The following RYR3 variants were observed in gnomAD, a reference collection of about 807,000 sequenced individuals.
The protein encoded by RYR3 is ryanodine receptor 3.
RYR3 carries 207 observed loss-of-function variants against 584.3 expected under a neutral mutation model. The observed-to-expected ratio is 0.35, with a 90% CI of 0.32 to 0.40. The LOEUF is 0.40. Among genes scored for constraint, RYR3 ranks in the 10% least tolerant of loss-of-function variants. The pLI, the probability that RYR3 is intolerant of heterozygous loss-of-function variation, is 1.00. For missense variants in RYR3, 5,616 were observed against 6,089.2 expected (o/e 0.92, Z 2.59); for synonymous variants, 2,416 against 2,248.5 (o/e 1.07, Z -2.11).
intron 3 of RYR3, among the ~76,000 whole-genome samples, chr15:33,516,327 A>G (rs1476045973): frequency 6.6e-6 from 1 of 150,858 alleles, no homozygotes; most frequent in Non-Finnish European, 1.5e-5. Context: ...AAAGACTCGT[A>G]TCTGTAAGAT....
intron 85 of RYR3, among the ~76,000 whole-genome samples, chr15:33,829,115 C>T (rs2077528266): frequency 6.6e-6 from 1 of 152,038 alleles, no homozygotes; most frequent in Non-Finnish European, 1.5e-5. Flanking sequence ...GGATTGTCAT[C>T]TGTTTACAGC....
intron 1 of RYR3, among the ~76,000 whole-genome samples, chr15:33,452,137 G>A (rs1425544639): frequency 2.0e-5 from 3 of 152,322 alleles, no homozygotes; most frequent in East Asian, 1.9e-4. Context: ...CAAAGGCTGC[G>A]ATCCAGCCTT....
At chr15:33,584,203 G>A (rs1443937257) in intron 14 of RYR3, among the ~76,000 whole-genome samples, 192 bp from the exon 15 acceptor site, 17 of 152,100 alleles carry the variant, frequency 1.1e-4, no homozygotes, top group Admixed American at 1.1e-3. Flanking sequence ...CTCCAGCCTG[G>A]GTGACTGGGT....
chr15:33,435,716 T>G (rs1199236874), intron 1 of RYR3, among the ~76,000 whole-genome samples: 1 of 152,138 alleles, frequency 6.6e-6, no homozygotes, highest in African/African-American at 2.4e-5. Flanking sequence ...TTCCTCCCGG[T>G]AGGTTCCTGG....
At chr15:33,375,394 G>A (rs145210701) in intron 1 of RYR3, among the ~76,000 whole-genome samples, 1 of 152,178 alleles carries the variant, frequency 6.6e-6, no homozygotes, top group Non-Finnish European at 1.5e-5. Context: ...CAGTGGATTG[G>A]ATTGAGACGG....
Position 33,632,997 on chromosome 15 carries a change from T to A in RYR3, c.2916T>A (p.Asp972Glu). Residue 972 changes from aspartate to glutamate, a missense_variant, in exon 24 of 104, where the codon GAT becomes GAA. Coordinates refer to ENST00000634891, the MANE Select transcript of RYR3 (RefSeq NM_001036.6). ...GYKPAPLDLS[D>E]VKLLPPQEIL... ...AGCCAGCCCCTTTGGATTTGTCTGA[T>A]GTGAAGCTGTTACCTCCTCAAGAAA... 6.2e-7 allele frequency: 1 copy of A among 1,614,018 alleles called. No individual in the cohort carries two copies. Among genetic ancestry groups the A allele is most frequent in the Non-Finnish European group, 8.5e-7 (1 of 1,179,874 alleles).
At position 33,740,822 on chromosome 15, in the gene RYR3, G is replaced by T. The variant is rs569518163; in HGVS notation, c.7820+827G>T. ...TGAACCCTTCCCAGGGGGACTGTCT[G>T]CTTTGATCATGTGTAACATTCGTCT... On this transcript the variant is annotated intron_variant, in intron 51 of 103. Transcript: ENST00000634891. Among the ~76,000 whole-genome samples the T allele has an allele frequency of 4.6e-5, 7 of 152,320 alleles. No homozygotes were observed. In the South Asian group the frequency reaches 1.5e-3, roughly 32 times the overall value.
intron 36 of RYR3, among the ~76,000 whole-genome samples, chr15:33,668,591 G>A (rs531937522): frequency 1.4e-3 from 213 of 152,096 alleles, no homozygotes; most frequent in African/African-American, 4.9e-3. Flanking sequence ...AAAGCAACAG[G>A]GATAGGACAT....
At chr15:33,845,256 G>A (rs7180465) in intron 93 of RYR3, among the ~76,000 whole-genome samples, 194 bp downstream of exon 93, 2,915 of 152,168 alleles carry the variant, frequency 0.019, 83 homozygotes, top group African/African-American at 0.061. Context: ...GTTTTCTTCT[G>A]TTGTTGTTGT....
Position 33,838,075 on chromosome 15 carries a change from T to C in RYR3, c.12095T>C (p.Ile4032Thr). ...TACTTCGAACCCTACCTAGGACGCA[T>C]CGAGATCATGGGTGGGGCCAAGAAG... ...LNYFEPYLGRIEIMGGAKKIE... is the reference protein window; with the variant it reads ...LNYFEPYLGRTEIMGGAKKIE... Residue 4032 changes from isoleucine (I) to threonine (T), a missense_variant, in exon 89 of 104, where the codon ATC becomes ACC. Transcript: ENST00000634891. The C allele has an allele frequency of 6.2e-7, 1 of 1,613,932 alleles. No individual in the cohort carries two copies. The highest frequency in any genetic ancestry group is 8.5e-7 in the Non-Finnish European group (1 of 1,179,882).
chr15:33,425,457 A>C (rs1285340168), intron 1 of RYR3, among the ~76,000 whole-genome samples: 26 of 152,106 alleles, frequency 1.7e-4, no homozygotes, highest in Non-Finnish European at 3.2e-4. Flanking sequence ...TTTCTGGTGA[A>C]ATCTAAAACT....
intron 45 of RYR3, among the ~76,000 whole-genome samples, chr15:33,725,149 C>T (rs994843529): frequency 5.4e-5 from 6 of 111,978 alleles, no homozygotes; most frequent in Non-Finnish European, 1.1e-4. Flanking sequence ...TCTGCTCCAA[C>T]ACCTTACACA....
At chr15:33,380,392 G>A (rs1370939160) in intron 1 of RYR3, among the ~76,000 whole-genome samples, 1 of 152,156 alleles carries the variant, frequency 6.6e-6, no homozygotes, top group Non-Finnish European at 1.5e-5. Context: ...TACCCACTGC[G>A]AGGAAACCCT....
intron 32 of RYR3, among the ~76,000 whole-genome samples, chr15:33,659,474 T>C (rs1225697203): frequency 6.6e-6 from 1 of 152,210 alleles, no homozygotes; most frequent in Non-Finnish European, 1.5e-5. Context: ...TGGCTACAGG[T>C]ATCTGAGAGA....
chr15:33,662,292 C>T lies in RYR3; in HGVS notation c.4762C>T (p.Gln1588Ter). 3 of 1,611,268 alleles carry T rather than the reference C, an allele frequency of 1.9e-6. No individual in the cohort carries two copies. Among genetic ancestry groups the T allele is most frequent in the Non-Finnish European group, 2.5e-6 (3 of 1,178,890 alleles). The change falls in exon 35 of 104, where the codon CAG becomes TAG. Residue 1588 changes from glutamine (Q) to a stop codon, truncating the protein, a stop_gained. Transcript: ENST00000634891. LOFTEE classifies it high-confidence loss of function. ...YALCSHVDLS[Q>*]LFYAIDNKYL... ...CCTGTGCAGCCACGTGGACCTCTCC[C>T]AGCTCTTCTATGCCATTGACAACAA... is the stretch of plus-strand genomic sequence containing the variant.
intron 1 of RYR3, among the ~76,000 whole-genome samples, chr15:33,329,198 G>A (rs1163290831): frequency 6.6e-6 from 1 of 152,272 alleles, no homozygotes; most frequent in Non-Finnish European, 1.5e-5. Context: ...AGGCACATGG[G>A]CTGGTGATTC....
chr15:33,601,521 C>A lies in RYR3; in HGVS notation c.1891C>A (p.Leu631Met). 1.9e-6 allele frequency: 3 copies of A among 1,613,838 alleles called. No individual in the cohort carries two copies. The South Asian group carries it at 3.3e-5, about 18-fold the overall frequency. The stretch of plus-strand genomic sequence containing the variant: ...CTTGCTGCCCCGGAGAAACCTACTC[C>A]TGCAGACACGACTGATTAACGATGT... ...DNLLPRRNLL[L>M]QTRLINDVTS... The change falls in exon 17 of 104, where the codon CTG becomes ATG. Residue 631 changes from leucine to methionine, a missense_variant. Leu to Met is a conservative substitution (Grantham distance 15, BLOSUM62 2). Coordinates refer to ENST00000634891, the MANE Select transcript of RYR3 (RefSeq NM_001036.6).
chr15:33,700,490 C>T (rs984527036), intron 41 of RYR3, among the ~76,000 whole-genome samples: 1 of 152,176 alleles, frequency 6.6e-6, no homozygotes, highest in Non-Finnish European at 1.5e-5. Flanking sequence ...AGGCTACTAA[C>T]CTTTTTGTAA....
chr15:33,861,813 C>T (rs530944031), intron 102 of RYR3, among the ~76,000 whole-genome samples: 4 of 152,020 alleles, frequency 2.6e-5, no homozygotes, highest in African/African-American at 9.6e-5. Flanking sequence ...TTCATACTGC[C>T]TTTTTTTGTT....
Sources: allele counts gnomAD v4.1 joint callset (sites outside exome capture counted in the v4.1 genomes callset), GRCh38; gene constraint gnomAD v4.1.1; transcripts MANE v1.5; gene names NCBI Gene and HGNC (gene_info 2026-07-23, HGNC 2026-07-21).